The following HERC3 variants were observed in gnomAD, a reference collection of about 807,000 sequenced individuals.
The protein encoded by HERC3 is probable E3 ubiquitin-protein ligase HERC3.
Under a neutral mutation model 129.9 loss-of-function variants are expected in HERC3, and 58 were observed. That is an observed-to-expected ratio of 0.45 (90% CI 0.36 to 0.56). The LOEUF is 0.56. Ranked by LOEUF, HERC3 falls within the 20% of genes least tolerant of loss-of-function variation. HERC3 has a pLI of 0.00. For synonymous variants in HERC3, 430 were observed against 451.0 expected (o/e 0.95, Z 0.59); for missense variants, 835 against 1,244.2 (o/e 0.67, Z 4.95).
At chr4:88,667,558 GAA>G in intron 13 of HERC3, 70 bp downstream of exon 13, 1 of 826,832 alleles carries the variant, frequency 1.2e-6, no homozygotes, top group Non-Finnish European at 1.9e-6. Flanking sequence ...AACTTCAAGA[GAA>G]AAAGAGTAAG....
intron 3 of HERC3, among the ~76,000 whole-genome samples, chr4:88,647,023 G>T (rs1448825468): frequency 1.3e-5 from 2 of 152,052 alleles, no homozygotes; most frequent in African/African-American, 4.8e-5. Flanking sequence ...CTTGCACCAG[G>T]CACAAAGAAT....
chr4:88,561,654 C>T, the HERC3 span, among the ~76,000 whole-genome samples: 1 of 152,138 alleles, frequency 6.6e-6, no homozygotes, highest in Admixed American at 6.6e-5. Flanking sequence ...CACTTCCCCT[C>T]TTTCCTTATT....
the HERC3 span, among the ~76,000 whole-genome samples, chr4:88,585,066 AC>A: frequency 1.3e-5 from 2 of 152,198 alleles, no homozygotes; most frequent in Non-Finnish European, 2.9e-5. Flanking sequence ...TTGGGTAAGG[AC>A]CTTTTGCTGG....
the HERC3 span, among the ~76,000 whole-genome samples, chr4:88,540,018 A>G: frequency 6.6e-6 from 1 of 152,222 alleles, no homozygotes; most frequent in Non-Finnish European, 1.5e-5. Flanking sequence ...TCTAAAAACC[A>G]GAGCACCTCT....
intron 23 of HERC3, among the ~76,000 whole-genome samples, chr4:88,689,805 T>A (rs1036529324): frequency 6.6e-6 from 1 of 152,174 alleles, no homozygotes; most frequent in Non-Finnish European, 1.5e-5. Flanking sequence ...CTCGAACTCC[T>A]GACCTGAGCT....
At chr4:88,628,861 G>A (rs765654481) in intron 3 of HERC3, among the ~76,000 whole-genome samples, 5 of 152,136 alleles carry the variant, frequency 3.3e-5, no homozygotes, top group Non-Finnish European at 5.9e-5. Context: ...GAGGGAAGTG[G>A]TAAGAAGTCC....
At chr4:88,568,106 G>A in the HERC3 span, among the ~76,000 whole-genome samples, 15 of 152,230 alleles carry the variant, frequency 9.9e-5, no homozygotes, top group African/African-American at 3.6e-4. Flanking sequence ...AGAGATTCTT[G>A]TTCTCTTCCC....
chr4:88,652,048 A>G lies in HERC3; in HGVS notation c.423A>G (p.Gln141=). Residue 141 remains glutamine (Q), a synonymous_variant, in exon 5 of 26, where the codon CAA becomes CAG. Coordinates refer to ENST00000402738, the MANE Select transcript of HERC3 (RefSeq NM_014606.3). ...IQKLNQQTIL[Q]VSCGNWHCLA... ...AGCTGAACCAGCAAACAATATTACA[A>G]GTTTCCTGTGGCAACTGGCATTGCT... 1 of 1,614,054 alleles carries G rather than the reference A, an allele frequency of 6.2e-7. No homozygotes were observed. The highest frequency in any genetic ancestry group is 8.5e-7 in the Non-Finnish European group (1 of 1,179,876).
intron 23 of HERC3, 24 bp from the exon 24 acceptor site, chr4:88,704,074 G>A (rs776594123): frequency 1.9e-6 from 3 of 1,605,480 alleles, no homozygotes; most frequent in South Asian, 1.1e-5. Context: ...TGAGCTAAAT[G>A]TATTTTCTTT....
At chr4:88,646,223 C>G (rs533276144) in intron 3 of HERC3, among the ~76,000 whole-genome samples, 2 of 152,266 alleles carry the variant, frequency 1.3e-5, no homozygotes, top group South Asian at 2.1e-4. Flanking sequence ...CCATCTACCC[C>G]CTAGACTCAT....
chr4:88,598,718 A>G (rs970284550), intron 2 of HERC3, among the ~76,000 whole-genome samples: 2 of 152,194 alleles, frequency 1.3e-5, no homozygotes, highest in African/African-American at 4.8e-5. Flanking sequence ...GTGGGTAAAC[A>G]TCTTTCCTCA....
intron 3 of HERC3, among the ~76,000 whole-genome samples, chr4:88,622,582 A>G (rs2915426): frequency 0.052 from 7,900 of 152,272 alleles, 546 homozygotes; most frequent in East Asian, 0.27. Context: ...AAGTGATTGC[A>G]CCATTTTAAA....
intron 3 of HERC3, among the ~76,000 whole-genome samples, chr4:88,645,802 C>T (rs1728630940): frequency 1.3e-5 from 2 of 152,102 alleles, no homozygotes; most frequent in Non-Finnish European, 2.9e-5. Flanking sequence ...TATTTTTGCA[C>T]TGCACTGATC....
chr4:88,605,796 C>A lies in HERC3; in HGVS notation c.-28C>A. On this transcript the variant is annotated splice_region_variant and 5_prime_UTR_variant, in exon 3 of 26. Transcript: ENST00000402738. Reference sequence around the variant, plus strand: ...TAATTTTTTTAAACTCTCTCCTAGGCTACATGATTCCCTGAAAGATAAGAA... The same window carrying A: ...TAATTTTTTTAAACTCTCTCCTAGGATACATGATTCCCTGAAAGATAAGAA... The A allele has an allele frequency of 6.4e-7, 1 of 1,564,778 alleles. No individual in the cohort carries two copies. The highest frequency in any genetic ancestry group is 8.8e-7 in the Non-Finnish European group (1 of 1,135,088).
At chr4:88,549,465 G>T in the HERC3 span, among the ~76,000 whole-genome samples, 15 of 152,130 alleles carry the variant, frequency 9.9e-5, no homozygotes, top group African/African-American at 3.1e-4. Context: ...TCTTCTTCCT[G>T]CTTTCCCCTT....
chr4:88,692,252 C>T (rs1160602176), intron 23 of HERC3, among the ~76,000 whole-genome samples: 2 of 151,728 alleles, frequency 1.3e-5, no homozygotes, highest in Non-Finnish European at 2.9e-5. Context: ...ATTCTAGATT[C>T]CCTAAAATTT....
chr4:88,592,827 C>G (rs1286513753), intron 1 of HERC3, among the ~76,000 whole-genome samples: 1 of 152,148 alleles, frequency 6.6e-6, no homozygotes, highest in East Asian at 1.9e-4. Flanking sequence ...GGCTCGCCCT[C>G]CGGTCAGAGA....
At chr4:88,626,815 T>A (rs1215873961) in intron 3 of HERC3, among the ~76,000 whole-genome samples, 1 of 152,124 alleles carries the variant, frequency 6.6e-6, no homozygotes, top group Non-Finnish European at 1.5e-5. Context: ...TAGATGTTAA[T>A]AAATTTTATT....
intron 16 of HERC3, among the ~76,000 whole-genome samples, chr4:88,670,500 A>C (rs1253031160): frequency 6.6e-6 from 1 of 152,220 alleles, no homozygotes; most frequent in Non-Finnish European, 1.5e-5. Flanking sequence ...CAGAGTATCT[A>C]AAGTAGTCAA....
Sources: allele counts gnomAD v4.1 joint callset (sites outside exome capture counted in the v4.1 genomes callset), GRCh38; gene constraint gnomAD v4.1.1; transcripts MANE v1.5; gene names NCBI Gene and HGNC (gene_info 2026-07-23, HGNC 2026-07-21).